EYS: variants seen among roughly 807,000 people sequenced by gnomAD.
EYS encodes EGF-like photoreceptor maintenance factor.
A neutral mutation model predicts 282.1 loss-of-function variants in EYS; 250 were observed. The ratio of observed to expected loss-of-function variants is 0.89; its 90% confidence interval spans 0.80 to 0.98. The LOEUF is 0.98. Among genes scored for constraint, EYS ranks in the 50% least tolerant of loss-of-function variants. The pLI is 0.00. For synonymous variants in EYS, 1,355 were observed against 1,282.9 expected (o/e 1.06, Z -1.20); for missense variants, 4,016 against 3,709.0 (o/e 1.08, Z -2.15).
At chr6:64,613,919 C>T (rs983991878) in intron 24 of EYS, among the ~76,000 whole-genome samples, 1 of 152,098 alleles carries the variant, frequency 6.6e-6, no homozygotes, top group Admixed American at 6.6e-5. Flanking sequence ...AACTATTTTA[C>T]CAGAGCTTAG....
At chr6:65,411,401 T>G (rs1314775447) in intron 5 of EYS, among the ~76,000 whole-genome samples, 1 of 152,094 alleles carries the variant, frequency 6.6e-6, no homozygotes, top group Non-Finnish European at 1.5e-5. Context: ...TAGTAATAGA[T>G]TCATAGAAAA....
intron 26 of EYS, among the ~76,000 whole-genome samples, chr6:64,540,478 T>A (rs930238250): frequency 8.8e-5 from 3 of 34,132 alleles, no homozygotes; most frequent in Middle Eastern, 0.012. Context: ...AGTACAGATT[T>A]TTTTTTTTTT....
intron 31 of EYS, among the ~76,000 whole-genome samples, chr6:64,099,274 G>A (rs1772743246): frequency 6.6e-6 from 1 of 152,204 alleles, no homozygotes; most frequent in Admixed American, 6.5e-5. Context: ...TAATTAGTAA[G>A]TAGTAAGCCT....
At chr6:65,030,493 C>A (rs1772564552) in intron 13 of EYS, among the ~76,000 whole-genome samples, 1 of 152,152 alleles carries the variant, frequency 6.6e-6, no homozygotes, top group South Asian at 2.1e-4. Context: ...GAACTCACTG[C>A]ATCCCCTGAG....
At chr6:64,680,625 G>A (rs530825550) in intron 22 of EYS, among the ~76,000 whole-genome samples, 1 of 152,276 alleles carries the variant, frequency 6.6e-6, no homozygotes, top group African/African-American at 2.4e-5. Flanking sequence ...TGGTTAGTGT[G>A]ACTAAGAGTT....
At chr6:64,360,995 G>A (rs934750680) in intron 29 of EYS, among the ~76,000 whole-genome samples, 4 of 151,558 alleles carry the variant, frequency 2.6e-5, no homozygotes, top group Admixed American at 2.0e-4. Context: ...GTTTTTCCTT[G>A]AAAACCTGAG....
chr6:65,198,868 A>G (rs1765832650), intron 12 of EYS, among the ~76,000 whole-genome samples: 1 of 152,070 alleles, frequency 6.6e-6, no homozygotes, highest in African/African-American at 2.4e-5. Flanking sequence ...CATTAGGACT[A>G]TTTTATGGAT....
chr6:65,556,952 A>G (rs931484198), intron 2 of EYS, among the ~76,000 whole-genome samples: 2 of 152,248 alleles, frequency 1.3e-5, no homozygotes. Flanking sequence ...TATTTGTATC[A>G]TAACAGTATA....
At chr6:65,488,923 T>C (rs936558875) in intron 5 of EYS, among the ~76,000 whole-genome samples, 1 of 152,132 alleles carries the variant, frequency 6.6e-6, no homozygotes, top group Non-Finnish European at 1.5e-5. Flanking sequence ...TGGCTAGCCA[T>C]ATGCTGAAAA....
At chr6:65,015,454 G>A (rs1772012399) in intron 13 of EYS, among the ~76,000 whole-genome samples, 1 of 152,132 alleles carries the variant, frequency 6.6e-6, no homozygotes, top group Non-Finnish European at 1.5e-5. Context: ...TGTGCATTGA[G>A]GAACTGTTGA....
chr6:65,080,243 T>G (rs544115790), intron 12 of EYS, among the ~76,000 whole-genome samples: 106 of 152,172 alleles, frequency 7.0e-4, no homozygotes, highest in Non-Finnish European at 1.2e-3. Context: ...CAGAGTAGTA[T>G]TATTGCCATT....
chr6:64,400,644 C>T (rs1006642660), intron 28 of EYS, among the ~76,000 whole-genome samples: 1 of 152,056 alleles, frequency 6.6e-6, no homozygotes, highest in African/African-American at 2.4e-5. Context: ...AGTCCTACAA[C>T]ATTATTGTTT....
chr6:64,881,010 A>G (rs1393930939), intron 19 of EYS, among the ~76,000 whole-genome samples: 1 of 151,500 alleles, frequency 6.6e-6, no homozygotes, highest in Non-Finnish European at 1.5e-5. Context: ...TCTAGGAAGT[A>G]GTATTGCCAT....
At chr6:65,317,189 G>A (rs1319217996) in intron 11 of EYS, among the ~76,000 whole-genome samples, 2 of 152,076 alleles carry the variant, frequency 1.3e-5, no homozygotes, top group South Asian at 4.1e-4. Context: ...ATTGGTTGGA[G>A]CAGCTAAACC....
At chr6:63,890,193 A>G (rs546929369) in intron 35 of EYS, among the ~76,000 whole-genome samples, 139 of 152,366 alleles carry the variant, frequency 9.1e-4, no homozygotes, top group African/African-American at 3.2e-3. Context: ...GATCAATGAG[A>G]CAGAAAATTA....
intron 12 of EYS, among the ~76,000 whole-genome samples, chr6:65,114,974 C>T (rs889713202): frequency 7.2e-5 from 11 of 152,034 alleles, no homozygotes; most frequent in African/African-American, 1.9e-4. Context: ...ATCTTTTACC[C>T]TTGCATGTTT....
intron 12 of EYS, among the ~76,000 whole-genome samples, chr6:65,200,300 G>A (rs1314527499): frequency 6.6e-6 from 1 of 151,604 alleles, no homozygotes; most frequent in Non-Finnish European, 1.5e-5. Flanking sequence ...AAATCCAGGT[G>A]GAGATGACTA....
intron 8 of EYS, among the ~76,000 whole-genome samples, chr6:65,369,306 AAT>A (rs972087475): frequency 3.3e-5 from 2 of 59,874 alleles, no homozygotes; most frequent in Non-Finnish European, 1.1e-4. Flanking sequence ...ATTTATGTAT[AAT>A]ATATATATTA....
intron 12 of EYS, among the ~76,000 whole-genome samples, chr6:65,209,095 A>T (rs1160682399): frequency 2.0e-5 from 3 of 151,902 alleles, no homozygotes; most frequent in Admixed American, 6.6e-5. Flanking sequence ...GGGCTTCTGA[A>T]AGTAAGCCCT....
Sources: gnomAD v4.1 joint callset for allele counts (sites outside exome capture counted in the v4.1 genomes callset) on GRCh38, gnomAD v4.1.1 for gene constraint, MANE v1.5 for transcripts, NCBI Gene and HGNC (gene_info 2026-07-23, HGNC 2026-07-21) for gene names.